Variants in DYSF observed in about 807,000 individuals in gnomAD.
The protein encoded by DYSF is dysferlin, also known as dystrophy-associated fer-1-like 1.
In DYSF, 212 loss-of-function variants were observed where a neutral mutation model predicts 274.9. That is an observed-to-expected ratio of 0.77 (90% confidence interval 0.69 to 0.86). The LOEUF (loss-of-function observed/expected upper bound fraction) is 0.86. DYSF is among the 40% of genes least tolerant of loss of function. The pLI is 0.00. For missense variants in DYSF, 2,666 were observed against 2,783.2 expected, an observed-to-expected ratio of 0.96 and a Z score of 0.95; for synonymous variants, 1,091 against 1,078.7, an observed-to-expected ratio of 1.01 and a Z score of -0.22.
At chr2:71,674,693 G>A (rs1156975757) in intron 52 of DYSF, among the ~76,000 whole-genome samples, 1 of 152,200 alleles carries the variant, frequency 6.6e-6, no homozygotes, top group Non-Finnish European at 1.5e-5. Context: ...CTGTGTGACC[G>A]ACTGAGTGAA....
At chr2:71,581,976 C>G (rs2092912031) in intron 30 of DYSF, among the ~76,000 whole-genome samples, 1 of 152,010 alleles carries the variant, frequency 6.6e-6, no homozygotes, top group African/African-American at 2.4e-5. Flanking sequence ...AACCCCATCT[C>G]TGCTAAAAAT....
At chr2:71,663,733 C>T (rs2094943704) in intron 45 of DYSF, among the ~76,000 whole-genome samples, 1 of 152,212 alleles carries the variant, frequency 6.6e-6, no homozygotes. Context: ...TCCCTCCATC[C>T]CATCCCAGAA....
intron 12 of DYSF, among the ~76,000 whole-genome samples, chr2:71,521,719 C>T (rs567138793): frequency 1.3e-5 from 2 of 152,236 alleles, no homozygotes; most frequent in South Asian, 4.1e-4. Flanking sequence ...TCCTTGGCCA[C>T]CTGGACGTGC....
At position 71,574,235 on chromosome 2, in the gene DYSF, A is replaced by G; in HGVS notation, c.3266A>G (p.Tyr1089Cys). ...GAGGCGGAGGGCGAGGGCTGGGAGT[A>G]CGCCTCTCTTTTTGGCTGGAAGTTC... Reference protein sequence around the residue: ...QAEAEGEGWEYASLFGWKFHL... With the variant: ...QAEAEGEGWECASLFGWKFHL... Residue 1089 changes from tyrosine (Y) to cysteine (C), a missense_variant, in exon 30 of 56, where the codon TAC becomes TGC. Tyr to Cys is a radical substitution (Grantham distance 194). Around this residue, in one of 3 missense-constraint regions of DYSF, gnomAD observed 1,460 missense variants for 1,502.1 expected, o/e 0.97. Coordinates refer to ENST00000410020, the MANE Select transcript of DYSF (RefSeq NM_001130987.2). 6.2e-7 allele frequency: 1 copy of G among 1,613,882 alleles called. No homozygotes were observed. The highest frequency in any genetic ancestry group is 8.5e-7 in the Non-Finnish European group (1 of 1,180,034).
At chr2:71,593,620 C>T (rs1412666119) in intron 32 of DYSF, among the ~76,000 whole-genome samples, 2 of 152,210 alleles carry the variant, frequency 1.3e-5, no homozygotes, top group Middle Eastern at 3.2e-3. Context: ...CTTCCCTGAA[C>T]GGTAGCCTGA....
At position 71,482,342 on chromosome 2, in the gene DYSF, C is replaced by T. The variant is rs184584549; in HGVS notation, c.239+372C>T. 4.6e-3 allele frequency among the ~76,000 whole-genome samples: 696 copies of T among 152,316 alleles called. 5 individuals carry two copies. Among genetic ancestry groups the T allele is most frequent in the African/African-American group, 0.016 (669 of 41,554 alleles). On this transcript the variant is annotated intron_variant, in intron 3 of 55. Coordinates refer to ENST00000410020, the MANE Select transcript of DYSF (RefSeq NM_001130987.2). Reference sequence around the variant, plus strand: ...GCCCAGGCCAGTGAGGGCAGAGGCCCCCTGCAGGAGGCAGGCAGGCAGGCA... The same window carrying T: ...GCCCAGGCCAGTGAGGGCAGAGGCCTCCTGCAGGAGGCAGGCAGGCAGGCA...
exon 1 of DYSF, chr2:71,453,906 C>T (rs1406477528): frequency 1.6e-6 from 2 of 1,287,618 alleles, no homozygotes; most frequent in African/African-American, 2.9e-5. Flanking sequence ...CAGCCCTCTC[C>T]AGCGAGGGGA....
At chr2:71,601,287 C>G (rs1279639535) in intron 34 of DYSF, 1 of 666,904 alleles carries the variant, frequency 1.5e-6, no homozygotes, top group African/African-American at 1.8e-5. Flanking sequence ...GATGTGAACC[C>G]GAATAAGTAG....
intron 28 of DYSF, 83 bp downstream of exon 28, chr2:71,570,417 C>T (rs1466029815): frequency 2.0e-6 from 3 of 1,485,152 alleles, no homozygotes; most frequent in South Asian, 1.1e-5. Context: ...ATGCCAGGGC[C>T]CTTCACTGGG....
At chr2:71,522,336 C>T (rs561883006) in intron 12 of DYSF, among the ~76,000 whole-genome samples, 89 of 152,284 alleles carry the variant, frequency 5.8e-4, no homozygotes, top group African/African-American at 2.0e-3. Context: ...CCACCACCTC[C>T]CCTCCCTGAA....
intron 36 of DYSF, among the ~76,000 whole-genome samples, chr2:71,608,805 A>G (rs564596702): frequency 2.5e-4 from 38 of 152,316 alleles, no homozygotes; most frequent in Non-Finnish European, 4.7e-4. Flanking sequence ...GGGGGCCTAG[A>G]GAGGAAATAT....
In DYSF at chr2:71,526,315, G is replaced by T. The variant is rs1371925681; in HGVS notation, c.1245G>T (p.Leu415=). 6.2e-7 allele frequency: 1 copy of T among 1,608,036 alleles called. No homozygotes were observed. Among genetic ancestry groups the T allele is most frequent in the Non-Finnish European group, 8.5e-7 (1 of 1,176,334 alleles). ...GVALRGAHFC[L]KVFRAEDLPQ... is the part of the protein sequence containing the mutation. ...CCCTGCGAGGAGCCCACTTCTGCCT[G>T]AAGGTCTTCCGGGCCGAGGACTTGC... is the stretch of plus-strand genomic sequence containing the variant. Residue 415 remains leucine, a synonymous_variant, in exon 13 of 56, where the codon CTG becomes CTT. Transcript: ENST00000410020.
At chr2:71,571,376 A>G (rs1043930593) in intron 29 of DYSF, among the ~76,000 whole-genome samples, 7 of 143,602 alleles carry the variant, frequency 4.9e-5, no homozygotes, top group Non-Finnish European at 9.1e-5. Context: ...GCACATGCAC[A>G]GATCACAGTC....
At chr2:71,657,033 C>T (rs1309677523) in intron 43 of DYSF, among the ~76,000 whole-genome samples, 2 of 152,186 alleles carry the variant, frequency 1.3e-5, no homozygotes, top group Non-Finnish European at 2.9e-5. Context: ...AGTCCAAAGT[C>T]TCATCTGAGA....
At chr2:71,525,249 C>T (rs1487147888) in intron 12 of DYSF, among the ~76,000 whole-genome samples, 2 of 151,918 alleles carry the variant, frequency 1.3e-5, no homozygotes, top group Non-Finnish European at 2.9e-5. Flanking sequence ...GGGCGGGGGG[C>T]GGTCTCACTT....
rs774425408 is a variant in DYSF, at chr2:71,667,557, G to A, written c.5457+42G>A. ...TGGGTCCCAGAGTCCTCGAACTCCAGAAAGCCCCAACCCCAGGGACAACAT... is the reference window on the plus strand; with the variant it reads ...TGGGTCCCAGAGTCCTCGAACTCCAAAAAGCCCCAACCCCAGGGACAACAT... On this transcript the variant is annotated intron_variant, in intron 48 of 55. Transcript: ENST00000410020. 4.3e-6 allele frequency: 7 copies of A among 1,612,710 alleles called. No individual in the cohort carries two copies. The South Asian group carries it at 6.6e-5, about 15-fold the overall frequency.
intron 22 of DYSF, among the ~76,000 whole-genome samples, chr2:71,556,703 A>G (rs1393230060): frequency 2.6e-5 from 4 of 152,256 alleles, no homozygotes; most frequent in Non-Finnish European, 5.9e-5. Flanking sequence ...GCTCAGAAGA[A>G]GAAATGTCAG....
At chr2:71,497,841 T>C (rs1559007364) in intron 3 of DYSF, among the ~76,000 whole-genome samples, 1 of 152,224 alleles carries the variant, frequency 6.6e-6, no homozygotes, top group African/African-American at 2.4e-5. Context: ...TCTCTACATG[T>C]GAGCGTGCAT....
rs536249771 is a variant in DYSF, at chr2:71,456,231, G to A, written c.88+2145G>A. Among the ~76,000 whole-genome samples, 4 of 152,206 alleles carry A rather than the reference G, an allele frequency of 2.6e-5. No homozygotes were observed. The East Asian group carries it at 7.7e-4, about 29-fold the overall frequency. On this transcript the variant is annotated intron_variant, in intron 1 of 54. Transcript: ENST00000258104. ...GGAAGTACATTTTCTGTGCCAATCC[G>A]TCATGAGCCCCTGAGCCTAGGAAGA...
Sources: allele counts gnomAD v4.1 joint callset (sites outside exome capture counted in the v4.1 genomes callset), GRCh38; gene constraint gnomAD v4.1.1; regional missense constraint gnomAD v4.1.1; transcripts MANE v1.5; gene names NCBI Gene and HGNC (gene_info 2026-07-23, HGNC 2026-07-21).